The following APBA2 variants were observed in gnomAD, a reference collection of about 807,000 sequenced individuals.
APBA2 encodes amyloid-beta A4 precursor protein-binding family A member 2.
In APBA2, 30 loss-of-function variants were observed where a neutral mutation model predicts 75.0. The observed-to-expected ratio is 0.40, with a 90% CI of 0.30 to 0.54. The LOEUF is 0.54. Ranked by LOEUF, APBA2 falls within the 20% of genes least tolerant of loss-of-function variation. The probability of loss-of-function intolerance (pLI) is 0.49; values close to 1 mark genes in which losing one functional copy is unlikely to be tolerated. For synonymous variants in APBA2, 444 were observed against 409.6 expected (o/e 1.08, Z -1.01); for missense variants, 801 against 1,016.1 (o/e 0.79, Z 2.88).
chr15:28,974,423 A>G (rs1348076002), intron 2 of APBA2, among the ~76,000 whole-genome samples: 1 of 152,206 alleles, frequency 6.6e-6, no homozygotes, highest in Non-Finnish European at 1.5e-5. Context: ...AGACATGTGA[A>G]GGGGACCAAA....
At chr15:28,998,275 C>T (rs1424547923) in intron 3 of APBA2, among the ~76,000 whole-genome samples, 2 of 149,074 alleles carry the variant, frequency 1.3e-5, no homozygotes, top group African/African-American at 5.0e-5. Context: ...GGCCCTCGAT[C>T]TATAAAATGT....
chr15:29,110,601 C>T (rs1468980437), intron 13 of APBA2, among the ~76,000 whole-genome samples: 1 of 152,188 alleles, frequency 6.6e-6, no homozygotes, highest in Non-Finnish European at 1.5e-5. Context: ...GCTGGTCTTC[C>T]CCAAACTATA....
intron 1 of APBA2, among the ~76,000 whole-genome samples, chr15:28,916,535 C>T (rs1179725705): frequency 1.3e-5 from 2 of 152,258 alleles, no homozygotes; most frequent in Non-Finnish European, 2.9e-5. Flanking sequence ...CTCCCCGCTC[C>T]CCTCCCCAGA....
intron 6 of APBA2, among the ~76,000 whole-genome samples, chr15:29,076,658 C>T (rs139607888): frequency 7.7e-4 from 117 of 152,246 alleles, no homozygotes; most frequent in Admixed American, 4.0e-3. Context: ...ACTGGGTTTG[C>T]TTCTAGTGCT....
At chr15:28,927,044 A>T (rs1028092549) in intron 2 of APBA2, among the ~76,000 whole-genome samples, 4 of 151,872 alleles carry the variant, frequency 2.6e-5, no homozygotes, top group Non-Finnish European at 5.9e-5. Context: ...TTTAGCAGAG[A>T]TGGGGTTTTA....
At chr15:29,007,977 A>C (rs59783617) in intron 3 of APBA2, among the ~76,000 whole-genome samples, 11,907 of 152,304 alleles carry the variant, frequency 0.078, 641 homozygotes, top group East Asian at 0.27. Flanking sequence ...GAAGCAACCC[A>C]GGAGTCCATT....
At chr15:29,009,190 C>G (rs1328863670) in intron 3 of APBA2, among the ~76,000 whole-genome samples, 2 of 152,152 alleles carry the variant, frequency 1.3e-5, no homozygotes. Flanking sequence ...AGGAAAGACT[C>G]TAAAAAGACG....
At chr15:29,116,860 G>A (rs192916971) in intron 14 of APBA2, among the ~76,000 whole-genome samples, 286 of 152,292 alleles carry the variant, frequency 1.9e-3, no homozygotes, top group Middle Eastern at 6.8e-3. Context: ...AGCCAGGGGT[G>A]GGGACCTGGA....
intron 2 of APBA2, among the ~76,000 whole-genome samples, chr15:28,985,725 G>A (rs2037886862): frequency 6.6e-6 from 1 of 152,232 alleles, no homozygotes; most frequent in African/African-American, 2.4e-5. Context: ...TCTCCTGGAT[G>A]TAACGAGTTC....
Position 28,908,315 on chromosome 15 carries a change from G to GTTTTTTTTTTT in APBA2, c.-204-13322_-204-13312dup, listed in dbSNP as rs765084356. On this transcript the variant is annotated intron_variant, in intron 1 of 14. Coordinates refer to ENST00000683413, the MANE Select transcript of APBA2 (RefSeq NM_001353788.2). ...TTGTTTTTGTTTGTTTTGTTTTCTT[G>GTTTTTTTTTTT]TTTTTTTTTTTTTGAGACAGAGTCT... is the stretch of plus-strand genomic sequence containing the variant. Among the ~76,000 whole-genome samples, 33 of 137,588 alleles carry GTTTTTTTTTTT rather than the reference G, an allele frequency of 2.4e-4. 1 individual carries two copies. Among genetic ancestry groups the GTTTTTTTTTTT allele is most frequent in the African/African-American group, 9.9e-4 (33 of 33,176 alleles). 90.3% of individuals were successfully genotyped at this position (137,588 alleles called of 152,430 possible).
chr15:29,065,735 A>G (rs752960006), intron 4 of APBA2, among the ~76,000 whole-genome samples: 1 of 152,162 alleles, frequency 6.6e-6, no homozygotes, highest in African/African-American at 2.4e-5. Flanking sequence ...CTGGAGCTGA[A>G]GGAAGTTTGG....
chr15:29,017,931 C>A (rs967476776), intron 3 of APBA2, among the ~76,000 whole-genome samples: 4 of 151,820 alleles, frequency 2.6e-5, no homozygotes, highest in African/African-American at 9.7e-5. Flanking sequence ...CTTTGCTGTC[C>A]TTGTACTTGC....
Position 29,076,087 on chromosome 15 carries a change from G to A in APBA2, c.1065G>A (p.Val355=). The A allele has an allele frequency of 1.2e-6, 2 of 1,614,042 alleles. No homozygotes were observed. The highest frequency in any genetic ancestry group is 2.2e-5 in the South Asian group (2 of 91,078). The change falls in exon 6 of 15, where the codon GTG becomes GTA. Residue 355 remains valine, a synonymous_variant. Transcript: ENST00000683413. ...TKKVASFPSF[V]AVPGPCEPED... Reference sequence around the variant, plus strand: ...AGGTGGCATCATTTCCAAGTTTTGTGGCTGGTAAGTGACTTTGAATTTTAT... The same window carrying A: ...AGGTGGCATCATTTCCAAGTTTTGTAGCTGGTAAGTGACTTTGAATTTTAT...
rs116258253 is a variant in APBA2 at position 29,112,517 on chromosome 15, C to T, written c.2038-1359C>T. Among the ~76,000 whole-genome samples, 1,491 of 152,242 alleles carry T rather than the reference C, an allele frequency of 9.8e-3. 23 individuals are homozygous for T. The highest frequency in any genetic ancestry group is 0.034 in the African/African-American group (1,409 of 41,540). On this transcript the variant is annotated intron_variant, in intron 13 of 14. Transcript: ENST00000683413. The stretch of plus-strand genomic sequence containing the variant: ...TGTGCTTCTCCCATCCCAGGCCACT[C>T]GCCTCCTCCCAGGGCTCAGCACAGT...
chr15:28,915,783 C>T (rs2033663371), intron 1 of APBA2, among the ~76,000 whole-genome samples: 1 of 151,436 alleles, frequency 6.6e-6, no homozygotes, highest in Non-Finnish European at 1.5e-5. Flanking sequence ...ACTCCACACA[C>T]ACACCACACA....
At chr15:28,902,184 C>T (rs1423956373) in intron 1 of APBA2, among the ~76,000 whole-genome samples, 2 of 152,010 alleles carry the variant, frequency 1.3e-5, no homozygotes, top group Non-Finnish European at 1.5e-5. Context: ...CAACACACAC[C>T]GCCTCAGCCT....
Position 29,098,442 on chromosome 15 carries a change from A to G in APBA2, c.1252-48A>G, listed in dbSNP as rs747810483. The G allele has an allele frequency of 2.9e-6, 4 of 1,358,222 alleles. No homozygotes were observed. The East Asian group carries it at 6.9e-5, about 23-fold the overall frequency. 84.1% of individuals were successfully genotyped at this position (1,358,222 alleles called of 1,614,324 possible). ...TCATAATGCTATTTGCATGTCCTCT[A>G]TTCCGAGTTGGTTTTTGGACTTTAA... On this transcript the variant is annotated intron_variant, in intron 8 of 14. Transcript: ENST00000683413.
intron 2 of APBA2, among the ~76,000 whole-genome samples, chr15:28,947,116 C>T (rs777870171): frequency 1.1e-4 from 17 of 152,320 alleles, no homozygotes; most frequent in Non-Finnish European, 1.6e-4. Flanking sequence ...TGACTTCAGA[C>T]GCCAGATCTT....
intron 2 of APBA2, among the ~76,000 whole-genome samples, chr15:28,960,939 A>C (rs2036436637): frequency 6.6e-6 from 1 of 151,658 alleles, no homozygotes; most frequent in Admixed American, 6.6e-5. Context: ...TTGTATTTTT[A>C]GTAGAGACAG....
Sources: gnomAD v4.1 joint callset for allele counts (sites outside exome capture counted in the v4.1 genomes callset) on GRCh38, gnomAD v4.1.1 for gene constraint, MANE v1.5 for transcripts, NCBI Gene and HGNC (gene_info 2026-07-23, HGNC 2026-07-21) for gene names.